Variants in LAMC1 observed in about 807,000 individuals in gnomAD.
The protein encoded by LAMC1 is laminin subunit gamma 1, also known as laminin subunit gamma-1.
Under a neutral mutation model 173.6 loss-of-function variants are expected in LAMC1, and 38 were observed. The observed-to-expected ratio is 0.22, with a 90% CI of 0.17 to 0.29. The LOEUF is 0.29. Ranked by LOEUF, LAMC1 falls within the 10% of genes least tolerant of loss-of-function variation. The probability of loss-of-function intolerance (pLI) is 1.00; values close to 1 mark genes in which losing one functional copy is unlikely to be tolerated. For missense variants in LAMC1, 1,824 were observed against 2,051.8 expected, an observed-to-expected ratio of 0.89 and a Z score of 2.14; for synonymous variants, 746 against 749.1, an observed-to-expected ratio of 1.00 and a Z score of 0.07.
chr1:183,081,770 C>T (rs955783249), intron 1 of LAMC1, among the ~76,000 whole-genome samples: 10 of 152,180 alleles, frequency 6.6e-5, no homozygotes, highest in Admixed American at 5.2e-4. Flanking sequence ...TCATAATCCC[C>T]TAAAGTCTAT....
At chr1:183,050,305 A>G (rs1571408964) in intron 1 of LAMC1, among the ~76,000 whole-genome samples, 1 of 124,408 alleles carries the variant, frequency 8.0e-6, no homozygotes, top group Non-Finnish European at 1.6e-5. Flanking sequence ...TTTTTTTGAG[A>G]CAGAGTCTCA....
rs1657087065 is a variant in LAMC1, at chr1:183,140,570, A to G, written c.4573+67A>G. 5.4e-6 allele frequency: 5 copies of G among 921,826 alleles called. No homozygotes were observed. In the Admixed American group the frequency reaches 9.8e-5, roughly 18 times the overall value. 57.1% of individuals were successfully genotyped at this position (921,826 alleles called of 1,614,324 possible). A position where few individuals can be genotyped will look rare whatever the true frequency, so the allele number is the denominator to read the frequency against. On this transcript the variant is annotated intron_variant, in intron 27 of 27. Coordinates refer to ENST00000258341, the MANE Select transcript of LAMC1 (RefSeq NM_002293.4). Reference sequence around the variant, plus strand: ...TTGTACTGTTCTTAGGATCTGATATAGTACAGTTGACTCAAAAGCAGATGA... The same window carrying G: ...TTGTACTGTTCTTAGGATCTGATATGGTACAGTTGACTCAAAAGCAGATGA...
intron 1 of LAMC1, among the ~76,000 whole-genome samples, chr1:183,101,503 C>T (rs891626495): frequency 4.0e-5 from 6 of 151,326 alleles, no homozygotes; most frequent in African/African-American, 1.5e-4. Context: ...CAGGAACAGT[C>T]AGGTCCTTTT....
rs1486144124 is a variant in LAMC1 at position 183,108,395 on chromosome 1, T to C, written c.843T>C (p.Ala281=). 1 of 1,612,774 alleles carries C rather than the reference T, an allele frequency of 6.2e-7. No individual in the cohort carries two copies. Among genetic ancestry groups the C allele is most frequent in the Admixed American group, 1.7e-5 (1 of 59,902 alleles). Residue 281 remains alanine (A), a synonymous_variant, in exon 3 of 28, where the codon GCT becomes GCC. Coordinates refer to ENST00000258341, the MANE Select transcript of LAMC1 (RefSeq NM_002293.4). The part of the protein sequence containing the change: ...KSYYYAISDF[A]VGGRCKCNGH... ...ATTATTATGCCATCTCTGATTTTGC[T>C]GTAGGTGGCAGGTAAGTAAACTATT...
At chr1:183,116,430 T>C in intron 6 of LAMC1, 147 bp from the exon 7 acceptor site, 1 of 583,852 alleles carries the variant, frequency 1.7e-6, no homozygotes, top group Non-Finnish European at 3.0e-6. Flanking sequence ...TGAGCTGAGA[T>C]GGCGCCACTG....
chr1:183,094,271 A>G (rs1487337131), intron 1 of LAMC1, among the ~76,000 whole-genome samples: 2 of 152,036 alleles, frequency 1.3e-5, no homozygotes, highest in Admixed American at 1.3e-4. Context: ...CAGATGTTGC[A>G]CTGTTTTACT....
At chr1:183,078,581 CA>C (rs34274029) in intron 1 of LAMC1, among the ~76,000 whole-genome samples, 64 of 132,112 alleles carry the variant, frequency 4.8e-4, no homozygotes, top group East Asian at 4.3e-4. Context: ...GACTCCGTCT[CA>C]AAAAAAAAAA....
intron 1 of LAMC1, among the ~76,000 whole-genome samples, chr1:183,035,517 T>G (rs751955399): frequency 1.6e-4 from 24 of 152,260 alleles, no homozygotes; most frequent in Non-Finnish European, 2.9e-4. Context: ...GAATTTTAGG[T>G]TTTGGGCATA....
At chr1:183,083,950 C>G (rs1655355752) in intron 1 of LAMC1, among the ~76,000 whole-genome samples, 1 of 152,216 alleles carries the variant, frequency 6.6e-6, no homozygotes, top group South Asian at 2.1e-4. Context: ...AGTTTTATCT[C>G]AAGCCATGCA....
chr1:183,141,349 C>CTT (rs1012299382), intron 27 of LAMC1: 4 of 152,218 alleles, frequency 2.6e-5, no homozygotes, highest in Non-Finnish European at 5.9e-5. Context: ...CTGGTCATGA[C>CTT]TTTACTGCCT....
At chr1:183,107,728 G>A (rs897937627) in intron 2 of LAMC1, among the ~76,000 whole-genome samples, 1 of 152,146 alleles carries the variant, frequency 6.6e-6, no homozygotes, top group African/African-American at 2.4e-5. Flanking sequence ...TACTCGGGAG[G>A]CTGAGGCAGG....
intron 1 of LAMC1, among the ~76,000 whole-genome samples, chr1:183,069,907 G>A (rs560505490): frequency 5.3e-5 from 8 of 152,268 alleles, no homozygotes; most frequent in Admixed American, 3.9e-4. Context: ...AAAGAGATAG[G>A]GAGGGCATTC....
At chr1:183,119,383 T>C (rs1333642468) in intron 11 of LAMC1, among the ~76,000 whole-genome samples, 2 of 152,116 alleles carry the variant, frequency 1.3e-5, no homozygotes, top group South Asian at 2.1e-4. Flanking sequence ...GTTAGAAATA[T>C]GAATCTGGGG....
chr1:183,139,676 T>A (rs958298997), intron 26 of LAMC1, among the ~76,000 whole-genome samples: 1 of 152,374 alleles, frequency 6.6e-6, no homozygotes, highest in Admixed American at 6.5e-5. Flanking sequence ...AGCCACTTAC[T>A]TAAATCTCAA....
chr1:183,142,711 A>G lies in LAMC1; in HGVS notation c.4751A>G (p.Lys1584Arg). 6.2e-7 allele frequency: 1 copy of G among 1,614,054 alleles called. No individual in the cohort carries two copies. The highest frequency in any genetic ancestry group is 8.5e-7 in the Non-Finnish European group (1 of 1,179,932). ...DYNRDIEEIM[K>R]DIRNLEDIRK... ...AACCGAGATATCGAGGAGATCATGAAGGACATTCGCAATCTGGAGGACATC... is the reference window on the plus strand; with the variant it reads ...AACCGAGATATCGAGGAGATCATGAGGGACATTCGCAATCTGGAGGACATC... Residue 1584 changes from lysine to arginine, a missense_variant, in exon 28 of 28, where the codon AAG becomes AGG. Transcript: ENST00000258341.
Position 183,137,740 on chromosome 1 carries a change from C to A in LAMC1, c.4386C>A (p.Asn1462Lys). ...AEVTDLDNEV[N>K]NMLKQLQEAE... ...TTACAGATCTGGATAATGAGGTGAA[C>A]AATATGTTGAAGCAACTGCAGGAAG... Residue 1462 changes from asparagine (N) to lysine (K), a missense_variant, in exon 26 of 28, where the codon AAC becomes AAA. Transcript: ENST00000258341. 1.2e-6 allele frequency: 2 copies of A among 1,612,110 alleles called. No homozygotes were observed. Among genetic ancestry groups the A allele is most frequent in the East Asian group, 2.2e-5 (1 of 44,776 alleles).
At chr1:183,093,411 ACT>A (rs1344327180) in intron 1 of LAMC1, among the ~76,000 whole-genome samples, 1 of 151,782 alleles carries the variant, frequency 6.6e-6, no homozygotes, top group African/African-American at 2.4e-5. Context: ...CTGGAATTCT[ACT>A]CTTTTGGTAT....
At position 183,117,607 on chromosome 1, in the gene LAMC1, T is replaced by C. The variant is rs757599637; in HGVS notation, c.1761T>C (p.Asp587=). ...TCTCCTTTCGAGTGGACAGGCGAGATACTCGCCTCTCTGCAGAAGACCTTG... is the reference window on the plus strand; with the variant it reads ...TCTCCTTTCGAGTGGACAGGCGAGACACTCGCCTCTCTGCAGAAGACCTTG... The part of the protein sequence containing the change: ...LSFSFRVDRR[D]TRLSAEDLVL... Residue 587 remains aspartate, a synonymous_variant, in exon 10 of 28, where the codon GAT becomes GAC. Coordinates refer to ENST00000258341, the MANE Select transcript of LAMC1 (RefSeq NM_002293.4). The C allele has an allele frequency of 7.4e-6, 12 of 1,614,132 alleles. No homozygotes were observed. The South Asian group carries it at 1.1e-4, about 15-fold the overall frequency.
intron 1 of LAMC1, among the ~76,000 whole-genome samples, chr1:183,098,235 A>G (rs1431558593): frequency 6.6e-6 from 1 of 152,170 alleles, no homozygotes; most frequent in African/African-American, 2.4e-5. Flanking sequence ...AAGTATAGTG[A>G]GAGAGAGGAC....
Sources: gnomAD v4.1 joint callset for allele counts (sites outside exome capture counted in the v4.1 genomes callset) on GRCh38, gnomAD v4.1.1 for gene constraint, MANE v1.5 for transcripts, NCBI Gene and HGNC (gene_info 2026-07-23, HGNC 2026-07-21) for gene names.